Variants in MAP1LC3B2 observed in about 807,000 individuals in gnomAD.
The protein encoded by MAP1LC3B2 is microtubule-associated protein 1 light chain 3 beta 2.
For missense variants in MAP1LC3B2, 155 were observed against 154.6 expected, an observed-to-expected ratio of 1.00 and a Z score of -0.01; for synonymous variants, 62 against 57.8, an observed-to-expected ratio of 1.07 and a Z score of -0.33.
chr12:116,570,492 A>ATTCCCATG, intron 1 of MAP1LC3B2, among the ~76,000 whole-genome samples: 1 of 152,270 alleles, frequency 6.6e-6, no homozygotes, highest in Admixed American at 6.5e-5. Flanking sequence ...AGCTCCCATC[A>ATTCCCATG]TTCCCATGTG....
intron 1 of MAP1LC3B2, among the ~76,000 whole-genome samples, chr12:116,560,994 G>A (rs746629446): frequency 3.5e-4 from 53 of 152,214 alleles, no homozygotes; most frequent in Non-Finnish European, 6.5e-4. Flanking sequence ...GTGTATGCCT[G>A]TAGTCCCCGC....
At position 116,570,660 on chromosome 12, in the gene MAP1LC3B2, T is replaced by C. The variant is rs142173477; in HGVS notation, c.-101-5182T>C. Among the ~76,000 whole-genome samples, 84 of 152,344 alleles carry C rather than the reference T, an allele frequency of 5.5e-4. No individual in the cohort carries two copies. In the South Asian group the frequency reaches 0.01, roughly 18 times the overall value. On this transcript the variant is annotated intron_variant, in intron 1 of 1. Transcript: ENST00000556529. ...CTCTCTTGCCTGCTGCCATGTAAGATGTGCCTTTTGCCTTCCACCATGATT... is the reference window on the plus strand; with the variant it reads ...CTCTCTTGCCTGCTGCCATGTAAGACGTGCCTTTTGCCTTCCACCATGATT...
chr12:116,571,788 G>T (rs1218000372), intron 1 of MAP1LC3B2, among the ~76,000 whole-genome samples: 2 of 151,844 alleles, frequency 1.3e-5, no homozygotes, highest in Non-Finnish European at 2.9e-5. Flanking sequence ...GCCACGGACT[G>T]CTATTCTTAG....
chr12:116,572,193 C>T (rs1869554659), intron 1 of MAP1LC3B2, among the ~76,000 whole-genome samples: 1 of 152,180 alleles, frequency 6.6e-6, no homozygotes, highest in Non-Finnish European at 1.5e-5. Context: ...GTACCTTCAG[C>T]AGATAGATTG....
chr12:116,563,704 C>T (rs754835739), intron 1 of MAP1LC3B2, among the ~76,000 whole-genome samples: 1 of 152,132 alleles, frequency 6.6e-6, no homozygotes, highest in South Asian at 2.1e-4. Context: ...GTTTTATTTT[C>T]ATCCTCTCCT....
At position 116,575,911 on chromosome 12, in the gene MAP1LC3B2, G is replaced by A. The variant is rs200902625; in HGVS notation, c.-32G>A. ...CCCCAGGAGCCGCCGGGACCCTCGC[G>A]TCGTCGCCGCCGCGGCCCAGATCCC... On this transcript the variant is annotated 5_prime_UTR_variant, in exon 2 of 2. Transcript: ENST00000556529. 7.4e-4 allele frequency: 1,192 copies of A among 1,613,098 alleles called. 4 individuals carry two copies. In the Middle Eastern group the frequency reaches 8.9e-3, roughly 12 times the overall value.
At chr12:116,573,377 T>C (rs940822081) in intron 1 of MAP1LC3B2, among the ~76,000 whole-genome samples, 4 of 152,220 alleles carry the variant, frequency 2.6e-5, no homozygotes, top group Non-Finnish European at 5.9e-5. Context: ...ATCTTAGTTA[T>C]ATTCTTAGCA....
chr12:116,566,930 C>CAAA lies in MAP1LC3B2; in HGVS notation c.-102+7536_-102+7538dup, dbSNP rs56405000. Among the ~76,000 whole-genome samples the CAAA allele has an allele frequency of 9.1e-3, 244 of 26,764 alleles. 65 individuals carry two copies. Among genetic ancestry groups the CAAA allele is most frequent in the Non-Finnish European group, 0.011 (144 of 12,964 alleles). The allele number at this position is 26,764 out of a possible 152,430, so 17.6% of individuals were successfully genotyped here. On this transcript the variant is annotated intron_variant, in intron 1 of 1. Coordinates refer to ENST00000556529, the MANE Select transcript of MAP1LC3B2 (RefSeq NM_001085481.3). ...TGGGCCACAGAGTGAGACTCTGTCT[C>CAAA]AAAAAAAAAAAAAAAAAAAAAAAAA...
chr12:116,560,104 C>T, intron 1 of MAP1LC3B2: 1 of 149,112 alleles, frequency 6.7e-6, no homozygotes, highest in East Asian at 1.9e-4. Flanking sequence ...CCGCAGCTCA[C>T]TAACCGATCC....
At position 116,576,334 on chromosome 12, in the gene MAP1LC3B2, G is replaced by T. The variant is rs370812740; in HGVS notation, c.*14G>T. On this transcript the variant is annotated 3_prime_UTR_variant, in exon 2 of 2. Coordinates refer to ENST00000556529, the MANE Select transcript of MAP1LC3B2 (RefSeq NM_001085481.3). Reference sequence around the variant, plus strand: ...TTGTCAGTGTAAAACCAGAAAAAATGCATCTCTTCTAGAATTTTTTAAACC... The same window carrying T: ...TTGTCAGTGTAAAACCAGAAAAAATTCATCTCTTCTAGAATTTTTTAAACC... 1 of 1,602,306 alleles carries T rather than the reference G, an allele frequency of 6.2e-7. No individual in the cohort carries two copies. Among genetic ancestry groups the T allele is most frequent in the Non-Finnish European group, 8.5e-7 (1 of 1,176,344 alleles).
At chr12:116,570,804 A>G (rs930211413) in intron 1 of MAP1LC3B2, among the ~76,000 whole-genome samples, 1 of 152,214 alleles carries the variant, frequency 6.6e-6, no homozygotes, top group Non-Finnish European at 1.5e-5. Context: ...GATGTTTGGT[A>G]GGTTAGGTGA....
In MAP1LC3B2 at chr12:116,575,859, C is replaced by T. The variant is rs1343455730; in HGVS notation, c.-84C>T. 1.9e-6 allele frequency: 3 copies of T among 1,540,576 alleles called. No homozygotes were observed. Among genetic ancestry groups the T allele is most frequent in the African/African-American group, 2.7e-5 (2 of 73,260 alleles). ...AAAAATAGCCTTACACGGCCACAGT[C>T]GGATTCGCTGCCGCAGCAGCCGCCA... On this transcript the variant is annotated 5_prime_UTR_variant, in exon 2 of 2. Transcript: ENST00000556529.
Position 116,575,948 on chromosome 12 carries a change from G to A in MAP1LC3B2, c.6G>A (p.Pro2=), listed in dbSNP as rs367704181. 60 of 1,614,212 alleles carry A rather than the reference G, an allele frequency of 3.7e-5. 1 individual carries two copies. The Middle Eastern group carries it at 8.2e-4, about 22-fold the overall frequency. The change falls in exon 2 of 2, where the codon CCG becomes CCA. Residue 2 remains proline, a synonymous_variant. Coordinates refer to ENST00000556529, the MANE Select transcript of MAP1LC3B2 (RefSeq NM_001085481.3). M[P]SEKTFKQRRT... is the part of the protein sequence containing the mutation. ...GCGGCCCAGATCCCCACACCATGCC[G>A]TCGGAGAAGACCTTCAAGCAGCGGC... is the stretch of plus-strand genomic sequence containing the variant.
intron 1 of MAP1LC3B2, among the ~76,000 whole-genome samples, chr12:116,562,073 A>T (rs1247312942): frequency 1.3e-5 from 2 of 152,248 alleles, no homozygotes; most frequent in Non-Finnish European, 1.5e-5. Flanking sequence ...AAGTGGGTCC[A>T]TCAGAGCAAA....
chr12:116,560,228 A>ATGTATG (rs1242651739), intron 1 of MAP1LC3B2: 2 of 111,490 alleles, frequency 1.8e-5, no homozygotes, highest in Admixed American at 8.8e-5. Flanking sequence ...ATATATATAT[A>ATGTATG]TATATATATA....
intron 1 of MAP1LC3B2, among the ~76,000 whole-genome samples, chr12:116,575,367 G>A (rs565837236): frequency 5.3e-5 from 8 of 152,196 alleles, no homozygotes; most frequent in Admixed American, 5.2e-4. Context: ...CAGTGGAGCG[G>A]CTATTAACTT....
At chr12:116,560,187 GCTAT>G (rs2050561565) in intron 1 of MAP1LC3B2, 4 of 81,502 alleles carry the variant, frequency 4.9e-5, no homozygotes, top group Non-Finnish European at 7.4e-5. Context: ...GCTAAGTTTG[GCTAT>G]ATATATATAT....
chr12:116,575,948 G>T lies in MAP1LC3B2; in HGVS notation c.6G>T (p.Pro2=). The T allele has an allele frequency of 6.2e-7, 1 of 1,614,212 alleles. No homozygotes were observed. The highest frequency in any genetic ancestry group is 8.5e-7 in the Non-Finnish European group (1 of 1,180,046). ...GCGGCCCAGATCCCCACACCATGCC[G>T]TCGGAGAAGACCTTCAAGCAGCGGC... is the stretch of plus-strand genomic sequence containing the variant. The part of the protein sequence containing the change: M[P]SEKTFKQRRT... Residue 2 remains proline, a synonymous_variant, in exon 2 of 2, where the codon CCG becomes CCT. Coordinates refer to ENST00000556529, the MANE Select transcript of MAP1LC3B2 (RefSeq NM_001085481.3).
intron 1 of MAP1LC3B2, among the ~76,000 whole-genome samples, chr12:116,566,958 A>AAAAAAAAAAAAAAAAAAAAAAAAT (rs1869403472): frequency 6.9e-6 from 1 of 144,376 alleles, no homozygotes; most frequent in South Asian, 2.1e-4. Flanking sequence ...AAAAAAAAAA[A>AAAAAAAAAAAAAAAAAAAAAAAAT]AAAAAAAAAA....
Sources: allele counts gnomAD v4.1 joint callset (sites outside exome capture counted in the v4.1 genomes callset), GRCh38; gene constraint gnomAD v4.1.1; transcripts MANE v1.5; gene names NCBI Gene and HGNC (gene_info 2026-07-23, HGNC 2026-07-21).